Variants in ADCY9 observed in about 807,000 individuals in gnomAD.
ADCY9 encodes the protein adenylate cyclase 9.
ADCY9 carries 50 observed loss-of-function variants against 101.5 expected under a neutral mutation model. The observed-to-expected ratio is 0.49, with a 90% CI of 0.39 to 0.62. The LOEUF (loss-of-function observed/expected upper bound fraction) is 0.62. ADCY9 is among the 20% of genes least tolerant of loss of function. The pLI is 0.00. For missense variants in ADCY9, 1,662 were observed against 1,800.4 expected, an observed-to-expected ratio of 0.92 and a Z score of 1.39; for synonymous variants, 905 against 769.3, an observed-to-expected ratio of 1.18 and a Z score of -2.92.
chr16:4,002,939 C>T (rs2056340748), intron 3 of ADCY9, among the ~76,000 whole-genome samples: 1 of 152,218 alleles, frequency 6.6e-6, no homozygotes. Flanking sequence ...TGGCCTTGAA[C>T]TCCTGACCGC....
rs553450429 is a variant in ADCY9, at chr16:4,114,074, C to T, written c.1369G>A (p.Asp457Asn). The change falls in exon 2 of 11, where the codon GAC becomes AAC. Residue 457 changes from aspartate (D) to asparagine (N), a missense_variant. By Grantham distance (23) the Asp-to-Asn change is conservative. This residue lies in a region of ADCY9 where 228 missense variants were observed against 301.1 expected (regional missense o/e 0.76). Coordinates refer to ENST00000294016, the MANE Select transcript of ADCY9 (RefSeq NM_001116.4). The surrounding 1 kb of genome is among the most constrained non-coding windows in gnomAD (Gnocchi z 4.3). ...ATCTCGATGCAGCAGTAGGCATGGT[C>T]GGCCCGGGGCTCGGGACAGCCCGCC... is the stretch of plus-strand genomic sequence containing the variant. The part of the protein sequence containing the change: ...CVAGCPEPRA[D>N]HAYCCIEMGL... 6.2e-7 allele frequency: 1 copy of T among 1,613,822 alleles called. No homozygotes were observed. The highest frequency in any genetic ancestry group is 1.7e-5 in the Admixed American group (1 of 60,022).
chr16:4,010,782 G>A (rs1000416438), intron 2 of ADCY9, among the ~76,000 whole-genome samples: 4 of 151,994 alleles, frequency 2.6e-5, no homozygotes, highest in South Asian at 2.1e-4. Flanking sequence ...AAGTTCAGGC[G>A]TTGTGGAGTG....
chr16:3,956,848 C>T (rs1443406891), intron 5 of ADCY9, among the ~76,000 whole-genome samples: 1 of 151,916 alleles, frequency 6.6e-6, no homozygotes, highest in Non-Finnish European at 1.5e-5. Flanking sequence ...TTGCCTCTCC[C>T]CTATGACCAT....
At chr16:4,054,378 T>C (rs1245730433) in intron 2 of ADCY9, among the ~76,000 whole-genome samples, 1 of 151,812 alleles carries the variant, frequency 6.6e-6, no homozygotes, top group Non-Finnish European at 1.5e-5. Context: ...AAATTCCCGA[T>C]TTTCCCAAAC....
chr16:4,033,669 C>T (rs1423799369), intron 2 of ADCY9, among the ~76,000 whole-genome samples: 1 of 152,186 alleles, frequency 6.6e-6, no homozygotes, highest in Non-Finnish European at 1.5e-5. Flanking sequence ...CCCGCCTCGG[C>T]CTCCCAAAGT....
At chr16:4,058,810 CT>C (rs2056757085) in intron 2 of ADCY9, among the ~76,000 whole-genome samples, 1 of 152,106 alleles carries the variant, frequency 6.6e-6, no homozygotes, top group Non-Finnish European at 1.5e-5. Context: ...GAAAGGGCTC[CT>C]CATCTCCTGA....
chr16:4,062,293 A>T (rs1162863892), intron 2 of ADCY9, among the ~76,000 whole-genome samples: 1 of 152,242 alleles, frequency 6.6e-6, no homozygotes, highest in Non-Finnish European at 1.5e-5. Context: ...ACACTAGAAA[A>T]TATCTATTTA....
chr16:4,111,200 G>A (rs1265784359), intron 2 of ADCY9, among the ~76,000 whole-genome samples: 1 of 152,206 alleles, frequency 6.6e-6, no homozygotes, highest in African/African-American at 2.4e-5. Context: ...CTGCAGGGCC[G>A]CTACTGGCTG....
At chr16:4,026,158 A>G (rs2056513270) in intron 2 of ADCY9, among the ~76,000 whole-genome samples, 1 of 152,138 alleles carries the variant, frequency 6.6e-6, no homozygotes, top group Non-Finnish European at 1.5e-5. Flanking sequence ...GGCGCGGTGG[A>G]TCACGCCTAT....
chr16:3,979,766 G>A (rs1024589792), intron 7 of ADCY9, among the ~76,000 whole-genome samples: 2 of 152,212 alleles, frequency 1.3e-5, no homozygotes, highest in Non-Finnish European at 2.9e-5. Flanking sequence ...CCTGCATGTG[G>A]GCAGGTGCCA....
chr16:3,980,703 TG>T (rs763995550), intron 7 of ADCY9, among the ~76,000 whole-genome samples: 13 of 152,240 alleles, frequency 8.5e-5, no homozygotes, highest in Non-Finnish European at 1.6e-4. Context: ...TGGACAGCCC[TG>T]GCTTCCTGAT....
At chr16:4,101,732 G>A (rs1337951036) in intron 2 of ADCY9, among the ~76,000 whole-genome samples, 1 of 152,088 alleles carries the variant, frequency 6.6e-6, no homozygotes, top group Non-Finnish European at 1.5e-5. Context: ...GTTTACAGTA[G>A]GATACAGTAC....
intron 2 of ADCY9, among the ~76,000 whole-genome samples, chr16:4,085,025 G>T (rs1456791398): frequency 1.3e-5 from 2 of 152,106 alleles, no homozygotes; most frequent in Non-Finnish European, 2.9e-5. Context: ...TATAAACAGT[G>T]CTGAGTGGTG....
At chr16:4,048,146 G>T (rs747730112) in intron 2 of ADCY9, among the ~76,000 whole-genome samples, 36 of 147,588 alleles carry the variant, frequency 2.4e-4, no homozygotes, top group South Asian at 8.4e-4. Flanking sequence ...GGGAGGGTGG[G>T]CTGGGGAACA....
chr16:4,010,660 A>G (rs2239310), intron 2 of ADCY9, among the ~76,000 whole-genome samples: 62,908 of 152,014 alleles, frequency 0.41, 13,408 homozygotes, highest in South Asian at 0.51. Flanking sequence ...GACTATGGTC[A>G]GGCGTGCCAA....
chr16:3,983,141 G>A (rs2056158718), intron 7 of ADCY9, 91 bp downstream of exon 7: 2 of 1,229,172 alleles, frequency 1.6e-6, no homozygotes, highest in Non-Finnish European at 2.2e-6. Context: ...CAGCTGGCTG[G>A]GGACCAGTCC....
chr16:4,061,780 G>A (rs1662498416), intron 2 of ADCY9, among the ~76,000 whole-genome samples: 1 of 152,118 alleles, frequency 6.6e-6, no homozygotes, highest in African/African-American at 2.4e-5. Context: ...AAGAAATAAA[G>A]AATGCTAGTA....
intron 2 of ADCY9, among the ~76,000 whole-genome samples, chr16:4,063,787 G>C (rs866821129): frequency 6.7e-6 from 1 of 149,990 alleles, no homozygotes; most frequent in African/African-American, 2.4e-5. Flanking sequence ...CCCAAAAAAA[G>C]CAGAAGGAAG....
rs184561978 is a variant in ADCY9 at position 4,098,152 on chromosome 16, G to A, written c.1693+15598C>T. On this transcript the variant is annotated intron_variant, in intron 2 of 10. Transcript: ENST00000294016. ...ATGTTCCACAGCGGTCCTGAGGGATGGGGTTTGCTGGGCTGGGGGAGGACT... is the reference window on the plus strand; with the variant it reads ...ATGTTCCACAGCGGTCCTGAGGGATAGGGTTTGCTGGGCTGGGGGAGGACT... Among the ~76,000 whole-genome samples the A allele has an allele frequency of 1.9e-3, 295 of 152,188 alleles. 2 individuals are homozygous for A. The highest frequency in any genetic ancestry group is 3.3e-3 in the Non-Finnish European group (221 of 67,994).
Sources: allele counts gnomAD v4.1 joint callset (sites outside exome capture counted in the v4.1 genomes callset), GRCh38; gene constraint gnomAD v4.1.1; regional missense constraint gnomAD v4.1.1; non-coding constraint Gnocchi (gnomAD v3.1); transcripts MANE v1.5; gene names NCBI Gene and HGNC (gene_info 2026-07-23, HGNC 2026-07-21).